COL21A1: variants seen among roughly 807,000 people sequenced by gnomAD.
COL21A1 encodes the protein collagen type XXI alpha 1 chain, also known as collagen alpha-1(XXI) chain.
A neutral mutation model predicts 137.9 loss-of-function variants in COL21A1; 149 were observed. The observed-to-expected ratio is 1.08, with a 90% CI of 0.95 to 1.24. The LOEUF (loss-of-function observed/expected upper bound fraction) is 1.24. COL21A1 is among the 50% of genes most tolerant of loss of function. COL21A1 has a pLI of 0.00. For synonymous variants in COL21A1, 456 were observed against 391.5 expected, an observed-to-expected ratio of 1.16 and a Z score of -1.95; for missense variants, 1,167 against 1,158.4, an observed-to-expected ratio of 1.01 and a Z score of -0.11.
intron 1 of COL21A1, among the ~76,000 whole-genome samples, chr6:56,231,646 G>A (rs997835582): frequency 5.9e-5 from 9 of 151,694 alleles, no homozygotes; most frequent in Admixed American, 3.3e-4. Flanking sequence ...TAAATACATG[G>A]TTAATAATCA....
chr6:56,342,028 TC>T, intron 1 of COL21A1, among the ~76,000 whole-genome samples: 1 of 152,316 alleles, frequency 6.6e-6, no homozygotes, highest in South Asian at 2.1e-4. Context: ...ATGATCATTT[TC>T]CCTCCCCTGT....
At chr6:56,070,882 G>T (rs903695154) in intron 20 of COL21A1, 84 bp from the exon 21 acceptor site, 2 of 1,010,298 alleles carry the variant, frequency 2.0e-6, no homozygotes, top group Non-Finnish European at 2.9e-6. Context: ...GGGAATATAT[G>T]TAAAATAACT....
rs1291066233 is a variant in COL21A1 at position 56,112,771 on chromosome 6, G to A, written c.1759-11246C>T. On this transcript the variant is annotated intron_variant, in intron 16 of 29. Coordinates refer to ENST00000244728, the MANE Select transcript of COL21A1 (RefSeq NM_030820.4). The stretch of plus-strand genomic sequence containing the variant: ...GTGATTCCGGCTCACTGCAACCTCC[G>A]CCTCCCAGGTTCAACCGATTCTCCT... Among the ~76,000 whole-genome samples, 10 of 142,350 alleles carry A rather than the reference G, an allele frequency of 7.0e-5. No individual in the cohort carries two copies. In the East Asian group the frequency reaches 1.3e-3, roughly 19 times the overall value. The allele number at this position is 142,350 out of a possible 152,430, so 93.4% of individuals were successfully genotyped here.
intron 1 of COL21A1, among the ~76,000 whole-genome samples, chr6:56,317,411 T>C (rs1764763464): frequency 6.6e-6 from 1 of 152,198 alleles, no homozygotes; most frequent in African/African-American, 2.4e-5. Flanking sequence ...ATGCCTCTTA[T>C]ATTGCAGTCA....
chr6:56,100,356 C>T (rs1174194166), intron 17 of COL21A1, among the ~76,000 whole-genome samples: 3 of 152,140 alleles, frequency 2.0e-5, no homozygotes, highest in African/African-American at 7.2e-5. Context: ...CTTAGAATAG[C>T]CCCATGCATT....
intron 1 of COL21A1, among the ~76,000 whole-genome samples, chr6:56,362,046 G>A (rs193045241): frequency 3.3e-5 from 5 of 152,210 alleles, no homozygotes; most frequent in African/African-American, 9.6e-5. Context: ...CACAATGAGC[G>A]CTTGCCCCTG....
At chr6:56,101,889 A>G (rs1424210810) in intron 16 of COL21A1, among the ~76,000 whole-genome samples, 1 of 152,076 alleles carries the variant, frequency 6.6e-6, no homozygotes, top group African/African-American at 2.4e-5. Context: ...ATTGATCACT[A>G]TGTTGGACCT....
intron 16 of COL21A1, among the ~76,000 whole-genome samples, chr6:56,109,798 G>T (rs1771256750): frequency 6.6e-6 from 1 of 151,918 alleles, no homozygotes; most frequent in African/African-American, 2.4e-5. Context: ...TTCACTGAAA[G>T]GTACAAATTG....
chr6:56,255,496 T>C (rs724678), intron 1 of COL21A1, among the ~76,000 whole-genome samples: 36,802 of 152,052 alleles, frequency 0.24, 4,713 homozygotes, highest in Non-Finnish European at 0.29. Flanking sequence ...CTTCAGAAAT[T>C]AGGCCAGCTG....
intron 1 of COL21A1, among the ~76,000 whole-genome samples, chr6:56,218,804 G>A (rs1315264386): frequency 6.6e-6 from 1 of 152,060 alleles, no homozygotes; most frequent in Non-Finnish European, 1.5e-5. Flanking sequence ...TGCAGTGGTA[G>A]TTCAAGTTTT....
rs536239372 is a variant in COL21A1, at chr6:56,200,855, T to C, written c.-38-18199A>G. 1.1e-4 allele frequency among the ~76,000 whole-genome samples: 17 copies of C among 152,240 alleles called. No individual in the cohort carries two copies. The East Asian group carries it at 3.3e-3, about 29-fold the overall frequency. ...GGCTGGGTCAAATGGTACTTCTAGT[T>C]CTAGATGCCTGAGGAATCGCCACAC... On this transcript the variant is annotated intron_variant, in intron 1 of 29. Transcript: ENST00000244728.
At chr6:56,140,888 T>C (rs773494490) in intron 12 of COL21A1, among the ~76,000 whole-genome samples, 32 of 152,140 alleles carry the variant, frequency 2.1e-4, no homozygotes, top group Non-Finnish European at 2.4e-4. Flanking sequence ...TCCAGTAAAA[T>C]GTATGACATT....
chr6:56,353,928 T>C (rs1245102930), intron 1 of COL21A1, among the ~76,000 whole-genome samples: 1 of 152,328 alleles, frequency 6.6e-6, no homozygotes, highest in South Asian at 2.1e-4. Context: ...TATCACACTC[T>C]ACCCCATAGA....
chr6:56,149,765 T>C (rs1322359238), intron 10 of COL21A1, among the ~76,000 whole-genome samples: 2 of 152,150 alleles, frequency 1.3e-5, no homozygotes, highest in Non-Finnish European at 2.9e-5. Context: ...AGCAGTTCTC[T>C]TTACCTCACC....
rs577882732 is a variant in COL21A1 at position 56,198,391 on chromosome 6, G to T, written c.-38-15735C>A. ...TTACCACAGAAAAAAATGATACCTAGTGAGGTAATTGATATGCTAGTTAGC... is the reference window on the plus strand; with the variant it reads ...TTACCACAGAAAAAAATGATACCTATTGAGGTAATTGATATGCTAGTTAGC... On this transcript the variant is annotated intron_variant, in intron 1 of 29. Coordinates refer to ENST00000244728, the MANE Select transcript of COL21A1 (RefSeq NM_030820.4). 1.2e-4 allele frequency among the ~76,000 whole-genome samples: 19 copies of T among 152,180 alleles called. No individual in the cohort carries two copies. The South Asian group carries it at 3.5e-3, about 28-fold the overall frequency.
chr6:56,116,396 TAAAAAAAAAAA>T (rs370697652), intron 16 of COL21A1, among the ~76,000 whole-genome samples: 4 of 90,834 alleles, frequency 4.4e-5, no homozygotes, highest in African/African-American at 4.3e-5. Context: ...GTGCCAAAGG[TAAAAAAAAAAA>T]AAAAAAAAAA....
At chr6:56,179,409 T>G (rs1010175305) in intron 3 of COL21A1, among the ~76,000 whole-genome samples, 169 bp downstream of exon 3, 1 of 152,102 alleles carries the variant, frequency 6.6e-6, no homozygotes, top group Non-Finnish European at 1.5e-5. Context: ...CACAAAAAAT[T>G]TATGCTCACA....
At chr6:56,304,056 C>T (rs1253340155) in intron 1 of COL21A1, among the ~76,000 whole-genome samples, 5 of 152,186 alleles carry the variant, frequency 3.3e-5, no homozygotes, top group Non-Finnish European at 7.3e-5. Flanking sequence ...ATATGTTGAA[C>T]CAGCCTTGCA....
intron 1 of COL21A1, among the ~76,000 whole-genome samples, chr6:56,302,995 C>T (rs1467494410): frequency 6.6e-6 from 1 of 151,952 alleles, no homozygotes; most frequent in African/African-American, 2.4e-5. Context: ...GAATCCTTTC[C>T]CCATTGCTTG....
Sources: gnomAD v4.1 joint callset for allele counts (sites outside exome capture counted in the v4.1 genomes callset) on GRCh38, gnomAD v4.1.1 for gene constraint, MANE v1.5 for transcripts, NCBI Gene and HGNC (gene_info 2026-07-23, HGNC 2026-07-21) for gene names.